Variants in ARHGAP24 observed in about 807,000 individuals in gnomAD.
The protein encoded by ARHGAP24 is Rho GTPase activating protein 24.
In ARHGAP24, 50 loss-of-function variants were observed where a neutral mutation model predicts 76.4. The ratio of observed to expected loss-of-function variants is 0.65; its 90% CI spans 0.52 to 0.83. The LOEUF is 0.83. ARHGAP24 is among the 40% of genes least tolerant of loss of function. The probability of loss-of-function intolerance (pLI) is 0.00; values close to 1 mark genes in which losing one functional copy is unlikely to be tolerated. For missense variants in ARHGAP24, 930 were observed against 914.2 expected (o/e 1.02, Z -0.22); for synonymous variants, 345 against 323.3 (o/e 1.07, Z -0.72).
At chr4:85,743,244 TA>T (rs1725890991) in intron 3 of ARHGAP24, among the ~76,000 whole-genome samples, 1 of 151,340 alleles carries the variant, frequency 6.6e-6, no homozygotes. Context: ...TTTAGGGGAA[TA>T]AAAGAGGTCT....
intron 1 of ARHGAP24, among the ~76,000 whole-genome samples, chr4:85,500,358 G>A (rs569551785): frequency 7.2e-5 from 11 of 151,978 alleles, no homozygotes; most frequent in Non-Finnish European, 1.2e-4. Flanking sequence ...GCTCTACAAG[G>A]GAATAAAAAT....
At chr4:85,776,689 T>C (rs1236217608) in intron 3 of ARHGAP24, among the ~76,000 whole-genome samples, 1 of 152,182 alleles carries the variant, frequency 6.6e-6, no homozygotes, top group East Asian at 1.9e-4. Context: ...CTATTGTCTA[T>C]GGCTCAGCCC....
At chr4:85,755,631 G>GTTTTTTTT (rs1329803538) in intron 3 of ARHGAP24, among the ~76,000 whole-genome samples, 1 of 115,792 alleles carries the variant, frequency 8.6e-6, no homozygotes, top group African/African-American at 3.2e-5. Context: ...CTTTTGTTTT[G>GTTTTTTTT]TTTTGTTTTG....
At chr4:85,645,224 C>T (rs936897432) in intron 2 of ARHGAP24, among the ~76,000 whole-genome samples, 4 of 152,062 alleles carry the variant, frequency 2.6e-5, no homozygotes, top group Admixed American at 1.3e-4. Context: ...ATCAAAATTT[C>T]CATATAACAA....
chr4:85,576,878 A>G (rs1169158161), intron 2 of ARHGAP24, among the ~76,000 whole-genome samples: 1 of 152,126 alleles, frequency 6.6e-6, no homozygotes, highest in Non-Finnish European at 1.5e-5. Flanking sequence ...TAGCTCATAT[A>G]GTTACTAATT....
At chr4:85,822,412 G>A (rs1729513460) in intron 3 of ARHGAP24, among the ~76,000 whole-genome samples, 1 of 152,138 alleles carries the variant, frequency 6.6e-6, no homozygotes. Flanking sequence ...TTAATTAACA[G>A]GCTGTTTGTT....
intron 2 of ARHGAP24, among the ~76,000 whole-genome samples, chr4:85,702,870 C>T (rs141519519): frequency 3.7e-4 from 56 of 151,610 alleles, no homozygotes; most frequent in African/African-American, 1.3e-3. Context: ...ATAAGTGACC[C>T]ATGAAGGGGT....
At chr4:85,833,830 TATAA>T (rs1560659273) in intron 3 of ARHGAP24, among the ~76,000 whole-genome samples, 3 of 152,326 alleles carry the variant, frequency 2.0e-5, no homozygotes, top group African/African-American at 7.2e-5. Flanking sequence ...GTAAGGTATT[TATAA>T]GCTCACTAGA....
chr4:85,702,348 C>A (rs1724125981), intron 2 of ARHGAP24, among the ~76,000 whole-genome samples: 1 of 152,152 alleles, frequency 6.6e-6, no homozygotes, highest in Non-Finnish European at 1.5e-5. Context: ...TGTATTTATA[C>A]AGATGCAACT....
In ARHGAP24 at chr4:85,862,383, G is replaced by A. The variant is rs111550731; in HGVS notation, c.269-61265G>A. On this transcript the variant is annotated intron_variant, in intron 3 of 9. Coordinates refer to ENST00000395184, the MANE Select transcript of ARHGAP24 (RefSeq NM_001025616.3). The stretch of plus-strand genomic sequence containing the variant: ...TTGGCGTTTGCCTTATTTGAACACA[G>A]TTTGAACACTTAGCAATCTACGAGT... Among the ~76,000 whole-genome samples, 1,222 of 152,126 alleles carry A rather than the reference G, an allele frequency of 8.0e-3. 13 individuals are homozygous for A. The highest frequency in any genetic ancestry group is 0.036 in the East Asian group (185 of 5,178).
At chr4:85,605,323 T>C (rs1260853488) in intron 2 of ARHGAP24, among the ~76,000 whole-genome samples, 5 of 152,198 alleles carry the variant, frequency 3.3e-5, no homozygotes, top group Non-Finnish European at 7.4e-5. Flanking sequence ...TAATCTAATA[T>C]ACTCTTTCCA....
intron 3 of ARHGAP24, among the ~76,000 whole-genome samples, chr4:85,899,426 A>G (rs1032075323): frequency 3.3e-5 from 5 of 152,200 alleles, no homozygotes; most frequent in Non-Finnish European, 5.9e-5. Flanking sequence ...ACATTTCCAG[A>G]GGTCACTAAT....
At chr4:85,668,983 G>T (rs905530310) in intron 2 of ARHGAP24, among the ~76,000 whole-genome samples, 1 of 152,106 alleles carries the variant, frequency 6.6e-6, no homozygotes, top group Non-Finnish European at 1.5e-5. Context: ...TAGGTCCTAG[G>T]TTCAGTGGTT....
At chr4:85,773,434 C>G (rs1434069147) in intron 3 of ARHGAP24, among the ~76,000 whole-genome samples, 1 of 152,164 alleles carries the variant, frequency 6.6e-6, no homozygotes, top group African/African-American at 2.4e-5. Flanking sequence ...CATGCCAGCT[C>G]TATATAACTA....
intron 3 of ARHGAP24, among the ~76,000 whole-genome samples, chr4:85,885,191 A>G (rs943734631): frequency 1.3e-5 from 2 of 152,106 alleles, no homozygotes; most frequent in African/African-American, 2.4e-5. Flanking sequence ...CGCTTCCTTT[A>G]TGTAAAGTTT....
intron 3 of ARHGAP24, among the ~76,000 whole-genome samples, chr4:85,774,642 T>C (rs532501853): frequency 6.6e-6 from 1 of 152,334 alleles, no homozygotes; most frequent in East Asian, 1.9e-4. Context: ...AGTCAAGATA[T>C]TATCTGGCCT....
intron 2 of ARHGAP24, among the ~76,000 whole-genome samples, chr4:85,593,790 T>G (rs2109982858): frequency 6.6e-6 from 1 of 152,216 alleles, no homozygotes; most frequent in Middle Eastern, 3.4e-3. Flanking sequence ...TATGGGTTCT[T>G]TATTCTGTTA....
intron 4 of ARHGAP24, among the ~76,000 whole-genome samples, chr4:85,941,118 G>C (rs1736923209): frequency 6.6e-6 from 1 of 152,098 alleles, no homozygotes; most frequent in Non-Finnish European, 1.5e-5. Flanking sequence ...TTCCATCTGG[G>C]AACAGTGGAG....
At chr4:85,549,361 A>C (rs1030469580) in intron 1 of ARHGAP24, among the ~76,000 whole-genome samples, 16 of 151,538 alleles carry the variant, frequency 1.1e-4, no homozygotes, top group African/African-American at 3.9e-4. Flanking sequence ...ATGGGCATGT[A>C]ATGATACCGG....
Sources: gnomAD v4.1 joint callset for allele counts (sites outside exome capture counted in the v4.1 genomes callset) on GRCh38, gnomAD v4.1.1 for gene constraint, MANE v1.5 for transcripts, NCBI Gene and HGNC (gene_info 2026-07-23, HGNC 2026-07-21) for gene names.